Variants in DGKH observed in about 807,000 individuals in gnomAD.
The protein encoded by DGKH is diacylglycerol kinase eta.
A neutral mutation model predicts 159.3 loss-of-function variants in DGKH; 90 were observed. The observed-to-expected ratio is 0.57, with a 90% CI of 0.48 to 0.67. The LOEUF (loss-of-function observed/expected upper bound fraction) is 0.67. DGKH is among the 30% of genes least tolerant of loss of function. The probability of loss-of-function intolerance (pLI) is 0.00; values close to 1 mark genes in which losing one functional copy is unlikely to be tolerated. For missense variants in DGKH, 1,181 were observed against 1,506.1 expected, an observed-to-expected ratio of 0.78 and a Z score of 3.57; for synonymous variants, 536 against 553.8, an observed-to-expected ratio of 0.97 and a Z score of 0.45.
chr13:42,166,238 A>G (rs1054640305), intron 8 of DGKH, among the ~76,000 whole-genome samples: 3 of 152,020 alleles, frequency 2.0e-5, no homozygotes, highest in Admixed American at 6.6e-5. Context: ...CTCTCCCCCA[A>G]CCTAAGCCCT....
chr13:42,091,285 A>G (rs955213089), intron 1 of DGKH, among the ~76,000 whole-genome samples: 19 of 152,166 alleles, frequency 1.2e-4, no homozygotes, highest in African/African-American at 4.3e-4. Context: ...ACACCAAAAC[A>G]TAGATAATAA....
At chr13:42,111,028 C>T (rs1954853784) in intron 1 of DGKH, among the ~76,000 whole-genome samples, 1 of 152,076 alleles carries the variant, frequency 6.6e-6, no homozygotes, top group South Asian at 2.1e-4. Context: ...CAAACCTGCA[C>T]ATCCTGCACA....
intron 1 of DGKH, among the ~76,000 whole-genome samples, chr13:42,052,221 CAT>C (rs1168159825): frequency 2.0e-5 from 3 of 152,206 alleles, no homozygotes; most frequent in African/African-American, 4.8e-5. Flanking sequence ...ATAAAATCCT[CAT>C]GTGTATTTTA....
intron 24 of DGKH, among the ~76,000 whole-genome samples, chr13:42,213,726 A>T (rs347416): frequency 1.3e-5 from 2 of 151,924 alleles, no homozygotes; most frequent in Admixed American, 6.6e-5. Context: ...ATATTTCTCC[A>T]TGAAGCTGTC....
intron 1 of DGKH, among the ~76,000 whole-genome samples, chr13:42,079,849 T>A (rs778346563): frequency 1.3e-5 from 2 of 152,250 alleles, no homozygotes; most frequent in Admixed American, 6.5e-5. Flanking sequence ...TACTTGTATT[T>A]CATTGTTAAG....
Position 42,168,044 on chromosome 13 carries a change from G to A in DGKH, c.1119-396G>A, listed in dbSNP as rs180716208. On this transcript the variant is annotated intron_variant, in intron 9 of 29. Coordinates refer to ENST00000337343, the MANE Select transcript of DGKH (RefSeq NM_178009.5). ...TGGTGTCTTTAGGAACTGCCTGAGC[G>A]TCACTCATTAGCATCAGCACCCTAG... 6.6e-5 allele frequency among the ~76,000 whole-genome samples: 10 copies of A among 152,190 alleles called. 1 individual carries two copies. Among genetic ancestry groups the A allele is most frequent in the African/African-American group, 1.9e-4 (8 of 41,522 alleles).
chr13:42,173,971 G>GTC, intron 11 of DGKH, 89 bp from the exon 12 acceptor site: 4 of 793,418 alleles, frequency 5.0e-6, no homozygotes, highest in Non-Finnish European at 8.5e-6. Context: ...GTGCGTGTGT[G>GTC]TGTGTGTGTG....
intron 13 of DGKH, among the ~76,000 whole-genome samples, chr13:42,180,636 T>A (rs1430446442): frequency 6.6e-6 from 1 of 152,154 alleles, no homozygotes; most frequent in Non-Finnish European, 1.5e-5. Context: ...TAGCTTTGGG[T>A]TTCTCCCTAA....
intron 20 of DGKH, 132 bp from the exon 21 acceptor site, chr13:42,205,907 G>A (rs1418111849): frequency 3.5e-5 from 15 of 432,812 alleles, no homozygotes; most frequent in Admixed American, 4.4e-5. Context: ...ATTTGGTAAC[G>A]TGTAGAGAGC....
intron 23 of DGKH, among the ~76,000 whole-genome samples, chr13:42,210,396 C>A (rs1315532571): frequency 6.6e-6 from 1 of 152,066 alleles, no homozygotes; most frequent in East Asian, 1.9e-4. Context: ...TCTTTTTTAA[C>A]TTTTAAATGA....
chr13:42,161,866 C>T (rs950899615), intron 7 of DGKH, among the ~76,000 whole-genome samples: 1 of 151,480 alleles, frequency 6.6e-6, no homozygotes, highest in African/African-American at 2.4e-5. Flanking sequence ...AAATTTTTTT[C>T]CCTGCAATTT....
At chr13:42,244,796 T>C (rs560771883), downstream of DGKH, among the ~76,000 whole-genome samples, 991 of 145,136 alleles carry the variant, frequency 6.8e-3, no homozygotes, top group Non-Finnish European at 9.7e-3. Flanking sequence ...CCCAGCTACT[T>C]GGGAGGCTGA....
intron 21 of DGKH, among the ~76,000 whole-genome samples, chr13:42,207,566 C>T (rs1957537284): frequency 6.6e-6 from 1 of 151,500 alleles, no homozygotes; most frequent in Non-Finnish European, 1.5e-5. Context: ...GCTCATTTGG[C>T]CGGTCGAGTT....
chr13:42,215,587 G>T lies in DGKH; in HGVS notation c.3133G>T (p.Asp1045Tyr). 6.2e-7 allele frequency: 1 copy of T among 1,610,066 alleles called. No individual in the cohort carries two copies. Among genetic ancestry groups the T allele is most frequent in the Non-Finnish European group, 8.5e-7 (1 of 1,177,598 alleles). Residue 1045 changes from aspartate (D) to tyrosine (Y), a missense_variant, in exon 26 of 30, where the codon GAC becomes TAC. By Grantham distance (160) the Asp-to-Tyr change is radical. Transcript: ENST00000337343. ...NPRCPESLTR[D>Y]TATEIAINVK... ...TCTTCTTTTCTAGAGTCTTACAAGA[G>T]ACACTGCCACTGAAATAGCCATCAA...
At chr13:42,084,162 C>T (rs1954260742) in intron 1 of DGKH, among the ~76,000 whole-genome samples, 1 of 152,122 alleles carries the variant, frequency 6.6e-6, no homozygotes, top group Admixed American at 6.5e-5. Flanking sequence ...ATATAAAAGA[C>T]AATAGACATT....
intron 1 of DGKH, among the ~76,000 whole-genome samples, chr13:42,090,776 A>G (rs1038621845): frequency 6.6e-6 from 1 of 152,180 alleles, no homozygotes; most frequent in African/African-American, 2.4e-5. Context: ...CTAAATTGCC[A>G]GTGTGAAGGT....
intron 12 of DGKH, among the ~76,000 whole-genome samples, chr13:42,175,433 A>G (rs762614550): frequency 3.3e-5 from 5 of 152,200 alleles, no homozygotes; most frequent in African/African-American, 9.6e-5. Context: ...TTCCATAAAC[A>G]TAACACATTT....
chr13:42,070,597 A>C, intron 1 of DGKH: 1 of 1,602,090 alleles, frequency 6.2e-7, no homozygotes, highest in Non-Finnish European at 8.5e-7. Flanking sequence ...TATCTTCAGC[A>C]CCAAGTCTTC....
chr13:42,141,187 A>G (rs1955548925), intron 3 of DGKH, among the ~76,000 whole-genome samples: 1 of 151,268 alleles, frequency 6.6e-6, no homozygotes, highest in Admixed American at 6.6e-5. Flanking sequence ...TTTGCTGAGA[A>G]TCATGGTTTC....
Sources: allele counts gnomAD v4.1 joint callset (sites outside exome capture counted in the v4.1 genomes callset), GRCh38; gene constraint gnomAD v4.1.1; transcripts MANE v1.5; gene names NCBI Gene and HGNC (gene_info 2026-07-23, HGNC 2026-07-21).